The following ADGRE3 variants were observed in gnomAD, a reference collection of about 807,000 sequenced individuals.
ADGRE3 encodes EGF-like module receptor 3.
A neutral mutation model predicts 80.1 loss-of-function variants in ADGRE3; 88 were observed. The ratio of observed to expected loss-of-function variants is 1.10; its 90% CI spans 0.93 to 1.31. ADGRE3 has a LOEUF of 1.31. Ranked by LOEUF, ADGRE3 falls within the 40% of genes most tolerant of loss-of-function variation. The pLI is 0.00. For synonymous variants in ADGRE3, 281 were observed against 294.8 expected, an observed-to-expected ratio of 0.95 and a Z score of 0.48; for missense variants, 715 against 776.5, an observed-to-expected ratio of 0.92 and a Z score of 0.94.
the ADGRE3 span, among the ~76,000 whole-genome samples, chr19:14,604,744 C>A: frequency 6.6e-6 from 1 of 151,048 alleles, no homozygotes; most frequent in Non-Finnish European, 1.5e-5. Context: ...GTCTGGGAGA[C>A]AAAGCAAGAC....
intron 7 of ADGRE3, among the ~76,000 whole-genome samples, chr19:14,647,817 C>T (rs1971457833): frequency 6.6e-6 from 1 of 151,192 alleles, no homozygotes; most frequent in Non-Finnish European, 1.5e-5. Flanking sequence ...TGGTGGCTCA[C>T]ACCTGTAACC....
the ADGRE3 span, chr19:14,610,180 G>A: frequency 9.5e-6 from 15 of 1,571,222 alleles, no homozygotes; most frequent in Middle Eastern, 1.7e-4. Flanking sequence ...ATTTGTGAGC[G>A]GAAATGTTCC....
At chr19:14,617,346 C>CTTTCTTTCTTTCTTTCTTTCTT (rs2075084411), downstream of ADGRE3, among the ~76,000 whole-genome samples, 1 of 72,668 alleles carries the variant, frequency 1.4e-5, no homozygotes, top group Non-Finnish European at 2.7e-5. Context: ...CCCTCCCTTT[C>CTTTCTTTCTTTCTTTCTTTCTT]TTTCTTTCTT....
At chr19:14,656,353 C>CAAAAAAAAAAAAAAGAAAACAA (rs1971761127) in intron 5 of ADGRE3, among the ~76,000 whole-genome samples, 1 of 82,418 alleles carries the variant, frequency 1.2e-5, no homozygotes, top group African/African-American at 4.3e-5. Context: ...GACTCCATCT[C>CAAAAAAAAAAAAAAGAAAACAA]AAAAAAAAAA....
At chr19:14,612,315 G>T in the ADGRE3 span, among the ~76,000 whole-genome samples, 6 of 152,190 alleles carry the variant, frequency 3.9e-5, no homozygotes, top group Middle Eastern at 3.4e-3. Flanking sequence ...CCTTCTGTGT[G>T]TCTGGGTCCT....
chr19:14,634,016 A>T lies in ADGRE3; in HGVS notation c.1485-714T>A, dbSNP rs1468243774. Among the ~76,000 whole-genome samples, 3 of 152,104 alleles carry T rather than the reference A, an allele frequency of 2.0e-5. No individual in the cohort carries two copies. The East Asian group carries it at 5.8e-4, about 30-fold the overall frequency. ...GGTTTTGAACTCCAGACCTCAAGTG[A>T]TTTGCTCCCCTTGGCCTCCCAAAGT... is the stretch of plus-strand genomic sequence containing the variant. On this transcript the variant is annotated intron_variant, in intron 11 of 15. Transcript: ENST00000253673.
chr19:14,641,624 C>G lies in ADGRE3; in HGVS notation c.1051-8G>C. ...CAGCACGGGATCCTCCTCCTGGGACCGAGAAAAAAAGTTCACAGTGATGCT... is the reference window on the plus strand; with the variant it reads ...CAGCACGGGATCCTCCTCCTGGGACGGAGAAAAAAAGTTCACAGTGATGCT... On this transcript the variant is annotated splice_polypyrimidine_tract_variant and splice_region_variant and intron_variant, in intron 9 of 15. Transcript: ENST00000253673. The G allele has an allele frequency of 6.2e-7, 1 of 1,613,580 alleles. No homozygotes were observed. Among genetic ancestry groups the G allele is most frequent in the Non-Finnish European group, 8.5e-7 (1 of 1,179,822 alleles).
At chr19:14,600,880 C>A in the ADGRE3 span, among the ~76,000 whole-genome samples, 1 of 142,530 alleles carries the variant, frequency 7.0e-6, no homozygotes, top group Admixed American at 7.3e-5. Context: ...TGAGCCACCA[C>A]GCTCGGCCTT....
chr19:14,637,462 T>C (rs1971123756), intron 11 of ADGRE3, among the ~76,000 whole-genome samples: 1 of 150,440 alleles, frequency 6.6e-6, no homozygotes, highest in African/African-American at 2.4e-5. Flanking sequence ...GGCCTGAGCA[T>C]AGCTCACTGC....
chr19:14,629,431 C>T (rs1159262796), intron 14 of ADGRE3, among the ~76,000 whole-genome samples: 1 of 151,986 alleles, frequency 6.6e-6, no homozygotes, highest in Non-Finnish European at 1.5e-5. Context: ...GTGTTCTTTT[C>T]TCATTGACTT....
intron 14 of ADGRE3, 100 bp from the exon 15 acceptor site, chr19:14,625,699 AT>A: frequency 1.4e-6 from 1 of 708,888 alleles, no homozygotes; most frequent in Non-Finnish European, 2.5e-6. Flanking sequence ...ATTATTATTT[AT>A]TTATTTTCAC....
intron 1 of ADGRE3, among the ~76,000 whole-genome samples, chr19:14,669,483 G>A (rs1972194254): frequency 6.6e-6 from 1 of 151,910 alleles, no homozygotes; most frequent in African/African-American, 2.4e-5. Flanking sequence ...TTGATATAAT[G>A]ATTATTATTT....
At chr19:14,613,970 G>A in the ADGRE3 span, among the ~76,000 whole-genome samples, 3 of 151,954 alleles carry the variant, frequency 2.0e-5, no homozygotes, top group Admixed American at 1.3e-4. Context: ...ACAGGTGTGA[G>A]CCACTGCACC....
the ADGRE3 span, chr19:14,610,530 T>C: frequency 4.1e-6 from 1 of 241,650 alleles, no homozygotes; most frequent in African/African-American, 2.2e-5. Context: ...GGGGCTGGTG[T>C]TGAACCTGGG....
At chr19:14,642,895 G>A (rs1322338469) in intron 9 of ADGRE3, among the ~76,000 whole-genome samples, 1 of 152,116 alleles carries the variant, frequency 6.6e-6, no homozygotes, top group Non-Finnish European at 1.5e-5. Context: ...GAACATACAT[G>A]TGCATGTGTC....
chr19:14,661,762 T>C (rs1971949444), intron 4 of ADGRE3, among the ~76,000 whole-genome samples: 1 of 152,132 alleles, frequency 6.6e-6, no homozygotes, highest in African/African-American at 2.4e-5. Flanking sequence ...TAGCTGGGCG[T>C]CGTGGTGCAC....
rs145814654 is a variant in ADGRE3, at chr19:14,630,162, G to A, written c.1689C>T (p.Cys563=). The A allele has an allele frequency of 9.9e-4, 1,596 of 1,613,182 alleles. 8 individuals are homozygous for A. Among genetic ancestry groups the A allele is most frequent in the Middle Eastern group, 7.9e-3 (48 of 6,050 alleles). The change falls in exon 14 of 16, where the codon TGC becomes TGT. Residue 563 remains cysteine, a synonymous_variant. Transcript: ENST00000253673. ...KATAQLFILG[C]TWCLGLLQVG... is the part of the protein sequence containing the mutation. ...CCTGTAGCAAGCCCAGACACCATGT[G>A]CAGCCCAGGATGAAGAGCTGAGCTG...
At chr19:14,619,990 T>C (rs1292167404) in intron 15 of ADGRE3, among the ~76,000 whole-genome samples, 1 of 152,170 alleles carries the variant, frequency 6.6e-6, no homozygotes, top group African/African-American at 2.4e-5. Context: ...AAGTTACATC[T>C]TCCTTCCTGG....
In ADGRE3 at chr19:14,625,739, A is replaced by G. The variant is rs973283886; in HGVS notation, c.1813-140T>C. The G allele has an allele frequency of 4.9e-6, 3 of 618,384 alleles. No individual in the cohort carries two copies. In the African/African-American group the frequency reaches 5.6e-5, roughly 11 times the overall value. 38.3% of individuals were successfully genotyped at this position (618,384 alleles called of 1,614,324 possible). A position where few individuals can be genotyped will look rare whatever the true frequency, so the allele number is the denominator to read the frequency against. On this transcript the variant is annotated intron_variant, in intron 14 of 15. Coordinates refer to ENST00000253673, the MANE Select transcript of ADGRE3 (RefSeq NM_032571.5). ...ACATGGTCTATTCGTACAATGGAATATTACTCAGTCTTATAAAGGAAGGAG... is the reference window on the plus strand; with the variant it reads ...ACATGGTCTATTCGTACAATGGAATGTTACTCAGTCTTATAAAGGAAGGAG...
Sources: allele counts gnomAD v4.1 joint callset (sites outside exome capture counted in the v4.1 genomes callset), GRCh38; gene constraint gnomAD v4.1.1; transcripts MANE v1.5; gene names NCBI Gene and HGNC (gene_info 2026-07-23, HGNC 2026-07-21).